Variants in GFOD2 observed in about 807,000 individuals in gnomAD.
GFOD2 encodes Gfo/Idh/MocA-like oxidoreductase domain containing 2.
Under a neutral mutation model 24.6 loss-of-function variants are expected in GFOD2, and 9 were observed. The observed-to-expected ratio is 0.37, with a 90% CI of 0.22 to 0.64. The LOEUF (loss-of-function observed/expected upper bound fraction) is 0.64. Ranked by LOEUF, GFOD2 falls within the 30% of genes least tolerant of loss-of-function variation. The probability of loss-of-function intolerance (pLI) is 0.65; values close to 1 mark genes in which losing one functional copy is unlikely to be tolerated. For synonymous variants in GFOD2, 211 were observed against 224.8 expected (o/e 0.94, Z 0.55); for missense variants, 476 against 532.5 (o/e 0.89, Z 1.04).
chr16:67,701,354 C>T (rs2053401155), intron 1 of GFOD2, among the ~76,000 whole-genome samples: 1 of 152,162 alleles, frequency 6.6e-6, no homozygotes, highest in African/African-American at 2.4e-5. Context: ...TTGTAATCAA[C>T]ACAAATATCC....
intron 1 of GFOD2, among the ~76,000 whole-genome samples, chr16:67,688,274 T>A (rs148628246): frequency 6.6e-6 from 1 of 152,180 alleles, no homozygotes; most frequent in Non-Finnish European, 1.5e-5. Flanking sequence ...AATATATCTA[T>A]AAAATATCTC....
intron 1 of GFOD2, among the ~76,000 whole-genome samples, chr16:67,696,243 G>C (rs1248789882): frequency 2.0e-5 from 3 of 151,166 alleles, no homozygotes; most frequent in African/African-American, 7.3e-5. Flanking sequence ...CCGATCTCTT[G>C]ACCTCGTGAT....
chr16:67,709,780 A>AT lies in GFOD2; in HGVS notation c.-88+9382dup, dbSNP rs999656769. ...CAGGCACATGCCACCACACCCAGCT[A>AT]TTTTTTTTGTATTTTTGGTAGAGAC... On this transcript the variant is annotated intron_variant, in intron 1 of 2. Transcript: ENST00000268797. Among the ~76,000 whole-genome samples the AT allele has an allele frequency of 7.9e-5, 12 of 151,510 alleles. No individual in the cohort carries two copies. In the South Asian group the frequency reaches 1.3e-3, roughly 16 times the overall value.
chr16:67,688,479 A>C (rs1485622732), intron 1 of GFOD2, among the ~76,000 whole-genome samples: 1 of 152,126 alleles, frequency 6.6e-6, no homozygotes, highest in Non-Finnish European at 1.5e-5. Flanking sequence ...AAAACCAAAC[A>C]AAAGTCCTTT....
At chr16:67,682,099 G>A (rs560555572) in intron 2 of GFOD2, 10 of 172,520 alleles carry the variant, frequency 5.8e-5, no homozygotes, top group Admixed American at 2.0e-4. Context: ...GTGCAGTGGC[G>A]TGATCTCGGC....
chr16:67,713,321 G>C (rs1196811672), intron 1 of GFOD2, among the ~76,000 whole-genome samples: 1 of 152,124 alleles, frequency 6.6e-6, no homozygotes, highest in Non-Finnish European at 1.5e-5. Flanking sequence ...AAGACCAAAT[G>C]TGTGGGGGTT....
chr16:67,700,192 G>A (rs972613103), intron 1 of GFOD2, among the ~76,000 whole-genome samples: 2 of 151,960 alleles, frequency 1.3e-5, no homozygotes, highest in African/African-American at 4.8e-5. Flanking sequence ...TGGGCAACAA[G>A]GTAAAACCCC....
Position 67,707,131 on chromosome 16 carries a change from G to T in GFOD2, c.-88+12032C>A, listed in dbSNP as rs577097254. Among the ~76,000 whole-genome samples, 3 of 151,340 alleles carry T rather than the reference G, an allele frequency of 2.0e-5. No homozygotes were observed. In the East Asian group the frequency reaches 5.9e-4, roughly 30 times the overall value. On this transcript the variant is annotated intron_variant, in intron 1 of 2. Transcript: ENST00000268797. Reference sequence around the variant, plus strand: ...CCCAGCACTGTGGGAAGCCAAGATGGGTGGATCACCTGAGGTCAGGAGTTC... The same window carrying T: ...CCCAGCACTGTGGGAAGCCAAGATGTGTGGATCACCTGAGGTCAGGAGTTC...
chr16:67,713,323 G>A (rs1488042791), intron 1 of GFOD2, among the ~76,000 whole-genome samples: 1 of 152,120 alleles, frequency 6.6e-6, no homozygotes, highest in Non-Finnish European at 1.5e-5. Flanking sequence ...GACCAAATGT[G>A]TGGGGGTTTC....
chr16:67,683,794 T>C lies in GFOD2; in HGVS notation c.259+1663A>G, dbSNP rs1026431395. 3 of 1,226,044 alleles carry C rather than the reference T, an allele frequency of 2.4e-6. No homozygotes were observed. The African/African-American group carries it at 4.7e-5, about 19-fold the overall frequency. 75.9% of individuals were successfully genotyped at this position (1,226,044 alleles called of 1,614,324 possible). ...CCACCATGGCAGTGGTCAGGAAGAG[T>C]GGAGGACAACCTCATGGCACCGGTT... On this transcript the variant is annotated intron_variant, in intron 2 of 2. Transcript: ENST00000268797.
chr16:67,694,995 T>C (rs1413044042), intron 1 of GFOD2, among the ~76,000 whole-genome samples: 1 of 127,676 alleles, frequency 7.8e-6, no homozygotes, highest in African/African-American at 3.3e-5. Context: ...CTCTTTTTTT[T>C]TTTTTTTTTT....
chr16:67,683,250 G>C, intron 2 of GFOD2: 1 of 1,110,824 alleles, frequency 9.0e-7, no homozygotes, highest in Non-Finnish European at 1.1e-6. Flanking sequence ...AAAAAAGCAA[G>C]CTTGTTGCCA....
At chr16:67,709,457 T>G (rs1482596680) in intron 1 of GFOD2, among the ~76,000 whole-genome samples, 1 of 152,144 alleles carries the variant, frequency 6.6e-6, no homozygotes, top group Admixed American at 6.5e-5. Flanking sequence ...TGCAGGATAC[T>G]TCAGTAAGCC....
At chr16:67,682,932 A>G in intron 2 of GFOD2, 2 of 664,694 alleles carry the variant, frequency 3.0e-6, no homozygotes, top group South Asian at 1.3e-4. Flanking sequence ...CCAGAGATTC[A>G]GTAGGTTTGG....
At chr16:67,687,368 C>T (rs1326396486) in intron 1 of GFOD2, among the ~76,000 whole-genome samples, 6 of 150,854 alleles carry the variant, frequency 4.0e-5, no homozygotes, top group African/African-American at 7.3e-5. Flanking sequence ...AGGCCGGGTG[C>T]GGTGGCTCAT....
At chr16:67,697,833 G>C (rs1351852390) in intron 1 of GFOD2, among the ~76,000 whole-genome samples, 1 of 152,164 alleles carries the variant, frequency 6.6e-6, no homozygotes, top group Non-Finnish European at 1.5e-5. Flanking sequence ...AGCTAACGAG[G>C]GAGCTGTGGG....
chr16:67,694,139 C>G (rs563925463), intron 1 of GFOD2, among the ~76,000 whole-genome samples: 3 of 152,170 alleles, frequency 2.0e-5, no homozygotes, highest in Admixed American at 6.5e-5. Flanking sequence ...GGATTACAGG[C>G]ACACGCCATC....
chr16:67,674,837 A>G lies in GFOD2; in HGVS notation c.*318T>C, dbSNP rs546269723. ...CCCTCTTGTGCTTTCTCACCCTGTT[A>G]GGACTGCGGATCAGGCTGAAGGGCT... On this transcript the variant is annotated 3_prime_UTR_variant, in exon 3 of 3. Transcript: ENST00000268797. The G allele has an allele frequency of 3.5e-5, 11 of 317,954 alleles. No individual in the cohort carries two copies. The highest frequency in any genetic ancestry group is 2.3e-4 in the African/African-American group (11 of 47,084). The allele number at this position is 317,954 out of a possible 1,614,324, so 19.7% of individuals were successfully genotyped here. A position where few individuals can be genotyped will look rare whatever the true frequency, so the allele number is the denominator to read the frequency against.
intron 2 of GFOD2, chr16:67,683,877 A>G (rs1279934858): frequency 2.3e-5 from 27 of 1,176,608 alleles, no homozygotes; most frequent in Non-Finnish European, 2.7e-5. Flanking sequence ...ATTACCTCAC[A>G]TAAAACAGTT....
Sources: allele counts gnomAD v4.1 joint callset (sites outside exome capture counted in the v4.1 genomes callset), GRCh38; gene constraint gnomAD v4.1.1; transcripts MANE v1.5; gene names NCBI Gene and HGNC (gene_info 2026-07-23, HGNC 2026-07-21).